TMEM18: variants seen among roughly 807,000 people sequenced by gnomAD.
The protein encoded by TMEM18 is transmembrane protein 18.
A neutral mutation model predicts 17.4 loss-of-function variants in TMEM18; 14 were observed. The observed-to-expected ratio is 0.80, with a 90% CI of 0.53 to 1.25. The LOEUF is 1.25. Ranked by LOEUF, TMEM18 falls within the 50% of genes most tolerant of loss-of-function variation. TMEM18 has a pLI of 0.00. For synonymous variants in TMEM18, 86 were observed against 66.1 expected (o/e 1.30, Z -1.46); for missense variants, 187 against 172.1 (o/e 1.09, Z -0.48).
At chr2:673,368 G>A (rs1211391651) in intron 2 of TMEM18, among the ~76,000 whole-genome samples, 1 of 152,132 alleles carries the variant, frequency 6.6e-6, no homozygotes, top group Non-Finnish European at 1.5e-5. Context: ...CAAAGGCACG[G>A]GAGGGAGGGC....
intron 1 of TMEM18, chr2:676,234 T>C (rs1192804193): frequency 4.3e-6 from 6 of 1,408,166 alleles, no homozygotes; most frequent in Non-Finnish European, 4.7e-6. Flanking sequence ...GGGACCCTGC[T>C]GTACCTGGGG....
intron 3 of TMEM18, among the ~76,000 whole-genome samples, chr2:672,205 T>A (rs887303755): frequency 6.6e-6 from 1 of 152,206 alleles, no homozygotes; most frequent in African/African-American, 2.4e-5. Flanking sequence ...AAGCCATTTT[T>A]AGCTCACAGG....
At chr2:670,240 G>A (rs536042104) in intron 3 of TMEM18, 12 of 179,512 alleles carry the variant, frequency 6.7e-5, no homozygotes, top group South Asian at 2.7e-4. Flanking sequence ...TCCCCTCCCC[G>A]TAAATGACAA....
At chr2:669,918 T>C in intron 3 of TMEM18, 68 bp from the exon 4 acceptor site, 1 of 1,262,294 alleles carries the variant, frequency 7.9e-7, no homozygotes, top group Non-Finnish European at 1.1e-6. Context: ...ACACCGTCTA[T>C]TTAGATAAGA....
rs1678797789 is a variant in TMEM18 at position 669,954 on chromosome 2, A to AG, written c.234-105dup. On this transcript the variant is annotated intron_variant, in intron 3 of 4. Transcript: ENST00000281017. ...CTTTGGAGAGAGCTGATGTGGACTG[A>AG]GGTGGGAGCAACACCCTCACTGGGC... 4.5e-6 allele frequency: 4 copies of AG among 882,640 alleles called. No individual in the cohort carries two copies. The Admixed American group carries it at 9.8e-5, about 22-fold the overall frequency. 54.7% of individuals were successfully genotyped at this position (882,640 alleles called of 1,614,324 possible).
In TMEM18 at chr2:668,383, T is replaced by C. The variant is rs1332178412; in HGVS notation, c.*1197A>G. On this transcript the variant is annotated 3_prime_UTR_variant, in exon 5 of 5. Coordinates refer to ENST00000281017, the MANE Select transcript of TMEM18 (RefSeq NM_152834.4). Reference sequence around the variant, plus strand: ...ATATCTACACAACGGCCCTGGACAATGCTACAGGGAGGACACATTACCTTA... The same window carrying C: ...ATATCTACACAACGGCCCTGGACAACGCTACAGGGAGGACACATTACCTTA... 6.6e-6 allele frequency: 1 copy of C among 152,252 alleles called. No individual in the cohort carries two copies. Among genetic ancestry groups the C allele is most frequent in the Non-Finnish European group, 1.5e-5 (1 of 68,050 alleles). The allele number at this position is 152,252 out of a possible 1,614,324, so 9.4% of individuals were successfully genotyped here. A position where few individuals can be genotyped will look rare whatever the true frequency, so the allele number is the denominator to read the frequency against.
chr2:669,512 C>A lies in TMEM18; in HGVS notation c.*68G>T. 1 of 1,492,634 alleles carries A rather than the reference C, an allele frequency of 6.7e-7. No homozygotes were observed. 92.5% of individuals were successfully genotyped at this position (1,492,634 alleles called of 1,614,324 possible). A position where few individuals can be genotyped will look rare whatever the true frequency, so the allele number is the denominator to read the frequency against. Reference sequence around the variant, plus strand: ...CAGCTGGAAGGATGCCCACGCCACGCACACTGCAGCACTGGGAGCTGCACT... The same window carrying A: ...CAGCTGGAAGGATGCCCACGCCACGAACACTGCAGCACTGGGAGCTGCACT... On this transcript the variant is annotated 3_prime_UTR_variant, in exon 5 of 5. Transcript: ENST00000281017.
chr2:677,227 G>A (rs1209339763), intron 1 of TMEM18, 62 bp downstream of exon 1: 1 of 1,559,422 alleles, frequency 6.4e-7, no homozygotes, highest in Non-Finnish European at 8.7e-7. Flanking sequence ...GCTCTGTGGG[G>A]CCTACCCTAC....
chr2:675,720 A>C (rs1678986465), intron 1 of TMEM18, 90 bp from the exon 2 acceptor site: 1 of 1,557,868 alleles, frequency 6.4e-7, no homozygotes, highest in Non-Finnish European at 8.6e-7. Context: ...CGCAGGAGGC[A>C]GGGGCCTCTC....
At chr2:675,789 A>G (rs1181719014) in intron 1 of TMEM18, 159 bp from the exon 2 acceptor site, 1 of 1,532,838 alleles carries the variant, frequency 6.5e-7, no homozygotes, top group Non-Finnish European at 8.7e-7. Flanking sequence ...CAGGCCTCAG[A>G]GAAACATGGG....
intron 3 of TMEM18, chr2:670,090 C>A: frequency 2.1e-6 from 1 of 483,832 alleles, no homozygotes; most frequent in Non-Finnish European, 3.7e-6. Flanking sequence ...CCCAGCAGCA[C>A]AGGAAAGACC....
chr2:665,281 T>G lies in TMEM18; in HGVS notation c.*4299A>C, dbSNP rs1678651307. Among the ~76,000 whole-genome samples, 1 of 151,166 alleles carries G rather than the reference T, an allele frequency of 6.6e-6. No homozygotes were observed. Among genetic ancestry groups the G allele is most frequent in the Non-Finnish European group, 1.5e-5 (1 of 67,876 alleles). On this transcript the variant is annotated 3_prime_UTR_variant, in exon 5 of 5. Coordinates refer to ENST00000281017, the MANE Select transcript of TMEM18 (RefSeq NM_152834.4). ...GGATCCAGAGATGCAGACACCCCAC[T>G]CACTCAGATAGAGAATCAACCCCAC... is the stretch of plus-strand genomic sequence containing the variant.
At chr2:670,484 C>A (rs2103090526) in intron 3 of TMEM18, 1 of 152,944 alleles carries the variant, frequency 6.5e-6, no homozygotes, top group South Asian at 2.1e-4. Flanking sequence ...CAGGAAATGC[C>A]ATCAACAAAG....
At chr2:669,990 G>C (rs931819920) in intron 3 of TMEM18, 140 bp from the exon 4 acceptor site, 1 of 646,438 alleles carries the variant, frequency 1.5e-6, no homozygotes, top group African/African-American at 1.8e-5. Flanking sequence ...CCACCCTTGG[G>C]AGCAGCGGTA....
At chr2:673,367 G>A (rs958904015) in intron 2 of TMEM18, among the ~76,000 whole-genome samples, 43 of 152,114 alleles carry the variant, frequency 2.8e-4, no homozygotes, top group Non-Finnish European at 5.1e-4. Flanking sequence ...GCAAAGGCAC[G>A]GGAGGGAGGG....
rs1309942743 is a variant in TMEM18 at position 669,199 on chromosome 2, TGGTGCCCATGTACA to T, written c.*367_*380del. The T allele has an allele frequency of 5.8e-6, 1 of 173,644 alleles. No homozygotes were observed. The highest frequency in any genetic ancestry group is 2.4e-5 in the African/African-American group (1 of 41,986). 10.8% of individuals were successfully genotyped at this position (173,644 alleles called of 1,614,324 possible). ...AAAACACAGCACGAGGAGGAGGGCA[TGGTGCCCATGTACA>T]GGTGGCACTGTTTATTATTGAGTTT... On this transcript the variant is annotated 3_prime_UTR_variant, in exon 5 of 5. Coordinates refer to ENST00000281017, the MANE Select transcript of TMEM18 (RefSeq NM_152834.4).
At position 665,751 on chromosome 2, in the gene TMEM18, G is replaced by A. The variant is rs79453639; in HGVS notation, c.*3829C>T. On this transcript the variant is annotated 3_prime_UTR_variant, in exon 5 of 5. Coordinates refer to ENST00000281017, the MANE Select transcript of TMEM18 (RefSeq NM_152834.4). ...ATGCAGATGCCCCACTCACTCAGATGGAGCATCAACCCCACACACAACAGG... is the reference window on the plus strand; with the variant it reads ...ATGCAGATGCCCCACTCACTCAGATAGAGCATCAACCCCACACACAACAGG... Among the ~76,000 whole-genome samples the A allele has an allele frequency of 7.0e-3, 773 of 110,534 alleles. 4 individuals carry two copies. Among genetic ancestry groups the A allele is most frequent in the Middle Eastern group, 0.042 (5 of 120 alleles). 72.5% of individuals were successfully genotyped at this position (110,534 alleles called of 152,430 possible). A position where few individuals can be genotyped will look rare whatever the true frequency, so the allele number is the denominator to read the frequency against.
chr2:665,642 AC>A lies in TMEM18; in HGVS notation c.*3937del, dbSNP rs1678667359. 6.6e-6 allele frequency among the ~76,000 whole-genome samples: 1 copy of A among 151,768 alleles called. No individual in the cohort carries two copies. The highest frequency in any genetic ancestry group is 6.6e-5 in the Admixed American group (1 of 15,242). ...GATGCACCACTCACTCAGAGCAACA[AC>A]CCCACATACAACAGAACCCAGAGAT... On this transcript the variant is annotated 3_prime_UTR_variant, in exon 5 of 5. Transcript: ENST00000281017.
chr2:677,397 A>C lies in TMEM18; in HGVS notation c.-52T>G. The C allele has an allele frequency of 6.3e-7, 1 of 1,596,168 alleles. No homozygotes were observed. The highest frequency in any genetic ancestry group is 8.5e-7 in the Non-Finnish European group (1 of 1,172,580). On this transcript the variant is annotated 5_prime_UTR_variant, in exon 1 of 5. Coordinates refer to ENST00000281017, the MANE Select transcript of TMEM18 (RefSeq NM_152834.4). The stretch of plus-strand genomic sequence containing the variant: ...AACCGCCGAACCCGGCCTGGCCAGA[A>C]TCCACAGAGGAGGGCGCCAAATCCT...
Sources: gnomAD v4.1 joint callset for allele counts (sites outside exome capture counted in the v4.1 genomes callset) on GRCh38, gnomAD v4.1.1 for gene constraint, MANE v1.5 for transcripts, NCBI Gene and HGNC (gene_info 2026-07-23, HGNC 2026-07-21) for gene names.